The following ZNF140 variants were observed in gnomAD, a reference collection of about 807,000 sequenced individuals.
The protein encoded by ZNF140 is zinc finger protein 140, also known as zinc finger protein 140 (clone pHZ-39).
ZNF140 carries 13 observed loss-of-function variants against 12.9 expected under a neutral mutation model. That is an observed-to-expected ratio of 1.01 (90% CI 0.66 to 1.60). The LOEUF (loss-of-function observed/expected upper bound fraction) is 1.60. Ranked by LOEUF, ZNF140 falls within the 40% of genes most tolerant of loss-of-function variation. The pLI, the probability that ZNF140 is intolerant of heterozygous loss-of-function variation, is 0.00. For missense variants in ZNF140, 531 were observed against 548.8 expected (o/e 0.97, Z 0.32); for synonymous variants, 214 against 186.7 (o/e 1.15, Z -1.19).
At chr12:133,088,769 G>C (rs1319199075) in intron 4 of ZNF140, among the ~76,000 whole-genome samples, 1 of 152,068 alleles carries the variant, frequency 6.6e-6, no homozygotes, top group Non-Finnish European at 1.5e-5. Flanking sequence ...TATCACGATT[G>C]GTTGTTGGAT....
intron 4 of ZNF140, among the ~76,000 whole-genome samples, chr12:133,085,863 T>G (rs1214784076): frequency 6.6e-6 from 1 of 152,046 alleles, no homozygotes; most frequent in Non-Finnish European, 1.5e-5. Flanking sequence ...CAAAAAAATT[T>G]TAAAAGCTAG....
chr12:133,090,992 C>A (rs1376259231), intron 4 of ZNF140, among the ~76,000 whole-genome samples: 1 of 148,840 alleles, frequency 6.7e-6, no homozygotes, highest in Non-Finnish European at 1.5e-5. Context: ...AACAAATGTA[C>A]AATCGGGTTT....
At chr12:133,098,808 G>A (rs1955229011) in intron 4 of ZNF140, among the ~76,000 whole-genome samples, 1 of 148,416 alleles carries the variant, frequency 6.7e-6, no homozygotes, top group Non-Finnish European at 1.5e-5. Flanking sequence ...GGGTCCAAGC[G>A]ATTCTCCTAT....
intron 4 of ZNF140, among the ~76,000 whole-genome samples, chr12:133,098,201 A>T (rs990622573): frequency 2.6e-5 from 4 of 152,022 alleles, no homozygotes; most frequent in Non-Finnish European, 5.9e-5. Context: ...CATATTGATT[A>T]TACTTCTTTT....
At chr12:133,080,523 G>A (rs1203841411), upstream of ZNF140, 1 of 152,292 alleles carries the variant, frequency 6.6e-6, no homozygotes, top group Non-Finnish European at 1.5e-5. Flanking sequence ...TTGGCCGCGA[G>A]ACACTCTGGC....
chr12:133,097,535 C>T (rs765466307), intron 4 of ZNF140, among the ~76,000 whole-genome samples: 25 of 151,230 alleles, frequency 1.7e-4, no homozygotes, highest in African/African-American at 2.4e-4. Flanking sequence ...CCCAGCTACT[C>T]GGGAGGCTGA....
At chr12:133,102,952 TTG>T (rs1362716804) in intron 4 of ZNF140, among the ~76,000 whole-genome samples, 5 of 149,472 alleles carry the variant, frequency 3.3e-5, no homozygotes, top group East Asian at 1.9e-4. Flanking sequence ...ATTGTTTTGA[TTG>T]TGTTTTTTAC....
Position 133,106,688 on chromosome 12 carries a change from T to C in ZNF140, c.*37T>C. 4 of 1,502,190 alleles carry C rather than the reference T, an allele frequency of 2.7e-6. No homozygotes were observed. Among genetic ancestry groups the C allele is most frequent in the Non-Finnish European group, 3.5e-6 (4 of 1,128,652 alleles). The allele number at this position is 1,502,190 out of a possible 1,614,324, so 93.1% of individuals were successfully genotyped here. ...AAAGAAAAACTATGAATGTATGGAA[T>C]TTTTTAAAAAGAAGTATAATGCCTT... On this transcript the variant is annotated 3_prime_UTR_variant, in exon 5 of 5. Transcript: ENST00000355557.
At chr12:133,090,801 CAAAAGAATCTATATCAT>C (rs1456159930) in intron 4 of ZNF140, among the ~76,000 whole-genome samples, 7 of 136,286 alleles carry the variant, frequency 5.1e-5, no homozygotes, top group Non-Finnish European at 9.7e-5. Context: ...AACATGTGAG[CAAAAGAATCTATATCAT>C]AATTAGGTTT....
In ZNF140 at chr12:133,095,891, G is replaced by A. The variant is rs1053780714; in HGVS notation, c.233-9619G>A. Among the ~76,000 whole-genome samples, 8 of 152,030 alleles carry A rather than the reference G, an allele frequency of 5.3e-5. No homozygotes were observed. In the South Asian group the frequency reaches 8.3e-4, roughly 16 times the overall value. On this transcript the variant is annotated intron_variant, in intron 4 of 4. Transcript: ENST00000355557. ...AACATATCTCGCCTCCCACCATAGG[G>A]CGGTTTTGCTACTATCTCAGAATTG...
Position 133,106,848 on chromosome 12 carries a change from TA to T in ZNF140, c.*198del, listed in dbSNP as rs1955618955. ...GAAAAGCCATTAATAACCACTCTTT[TA>T]TTTTTTTGCAATAACAAGGTGAAAT... On this transcript the variant is annotated 3_prime_UTR_variant, in exon 5 of 5. Coordinates refer to ENST00000355557, the MANE Select transcript of ZNF140 (RefSeq NM_003440.4). 5 of 450,624 alleles carry T rather than the reference TA, an allele frequency of 1.1e-5. No individual in the cohort carries two copies. Among genetic ancestry groups the T allele is most frequent in the Admixed American group, 7.8e-5 (2 of 25,506 alleles). 27.9% of individuals were successfully genotyped at this position (450,624 alleles called of 1,614,324 possible).
At chr12:133,092,531 T>A (rs965464306) in intron 4 of ZNF140, among the ~76,000 whole-genome samples, 2 of 151,282 alleles carry the variant, frequency 1.3e-5, no homozygotes, top group African/African-American at 4.9e-5. Context: ...TTCCATAACT[T>A]GATTTCCATA....
At chr12:133,098,830 G>A (rs1011721444) in intron 4 of ZNF140, among the ~76,000 whole-genome samples, 1 of 151,158 alleles carries the variant, frequency 6.6e-6, no homozygotes, top group African/African-American at 2.4e-5. Flanking sequence ...AGCCTCCTGA[G>A]TAGCTGGGAC....
intron 4 of ZNF140, among the ~76,000 whole-genome samples, chr12:133,091,855 C>T (rs1361061030): frequency 2.0e-5 from 3 of 151,016 alleles, no homozygotes; most frequent in Non-Finnish European, 4.4e-5. Context: ...ATTGTCTTCT[C>T]TTCCTTGTAG....
intron 4 of ZNF140, among the ~76,000 whole-genome samples, chr12:133,097,818 C>CGTGTGTGTGTGTGTGTGTGTGT (rs1377287336): frequency 0.055 from 5,824 of 106,352 alleles, 206 homozygotes; most frequent in Middle Eastern, 0.094. Context: ...CACATCTAAC[C>CGTGTGTGTGTGTGTGTGTGTGT]ATGTGTGTGT....
chr12:133,081,264 C>A lies in ZNF140; in HGVS notation c.-48-9C>A. 6.6e-7 allele frequency: 1 copy of A among 1,520,252 alleles called. No individual in the cohort carries two copies. Among genetic ancestry groups the A allele is most frequent in the Non-Finnish European group, 9.0e-7 (1 of 1,116,512 alleles). The allele number at this position is 1,520,252 out of a possible 1,614,324, so 94.2% of individuals were successfully genotyped here. A position where few individuals can be genotyped will look rare whatever the true frequency, so the allele number is the denominator to read the frequency against. On this transcript the variant is annotated splice_polypyrimidine_tract_variant and intron_variant, in intron 1 of 4. Coordinates refer to ENST00000355557, the MANE Select transcript of ZNF140 (RefSeq NM_003440.4). ...CTGTTCGCTCAGGGCTCCTTTCTCT[C>A]TCTGCCAGGTCTGCCATTTTACACT...
At chr12:133,086,740 C>T (rs1954689554) in intron 4 of ZNF140, among the ~76,000 whole-genome samples, 1 of 152,096 alleles carries the variant, frequency 6.6e-6, no homozygotes, top group Non-Finnish European at 1.5e-5. Context: ...ATGAAGACAT[C>T]TTCCTATATT....
rs1955615784 is a variant in ZNF140 at position 133,106,753 on chromosome 12, G to C, written c.*102G>C. On this transcript the variant is annotated 3_prime_UTR_variant, in exon 5 of 5. Transcript: ENST00000355557. ...TTGGAAAGAAGCCTTATGTGAAAGT[G>C]ATGACTGTGAAGTAATATGGCCCAC... 9.0e-7 allele frequency: 1 copy of C among 1,109,598 alleles called. No individual in the cohort carries two copies. The highest frequency in any genetic ancestry group is 1.6e-5 in the African/African-American group (1 of 63,498). 68.7% of individuals were successfully genotyped at this position (1,109,598 alleles called of 1,614,324 possible).
At chr12:133,101,400 T>C (rs1357297400) in intron 4 of ZNF140, among the ~76,000 whole-genome samples, 2 of 152,124 alleles carry the variant, frequency 1.3e-5, no homozygotes, top group African/African-American at 4.8e-5. Flanking sequence ...TATTGAGATA[T>C]CTACACAGAA....
Sources: gnomAD v4.1 joint callset for allele counts (sites outside exome capture counted in the v4.1 genomes callset) on GRCh38, gnomAD v4.1.1 for gene constraint, MANE v1.5 for transcripts, NCBI Gene and HGNC (gene_info 2026-07-23, HGNC 2026-07-21) for gene names.